The following STARD13 variants were observed in gnomAD, a reference collection of about 807,000 sequenced individuals.
STARD13 encodes stAR-related lipid transfer protein 13.
In STARD13, 62 loss-of-function variants were observed where a neutral mutation model predicts 106.4. That is an observed-to-expected ratio of 0.58 (90% CI 0.48 to 0.72). STARD13 has a LOEUF of 0.72. Among genes scored for constraint, STARD13 ranks in the 30% least tolerant of loss-of-function variants. The probability of loss-of-function intolerance (pLI) is 0.00; values close to 1 mark genes in which losing one functional copy is unlikely to be tolerated. For missense variants in STARD13, 1,387 were observed against 1,424.0 expected, an observed-to-expected ratio of 0.97 and a Z score of 0.42; for synonymous variants, 565 against 553.0, an observed-to-expected ratio of 1.02 and a Z score of -0.31.
the STARD13 span, among the ~76,000 whole-genome samples, chr13:33,563,228 T>C: frequency 6.8e-6 from 1 of 146,178 alleles, no homozygotes; most frequent in South Asian, 2.2e-4. Flanking sequence ...AGAAAAAAAA[T>C]CATAAAATGT....
chr13:33,254,971 T>G (rs921277861), intron 1 of STARD13, among the ~76,000 whole-genome samples: 3 of 152,164 alleles, frequency 2.0e-5, no homozygotes, highest in Non-Finnish European at 4.4e-5. Flanking sequence ...ACTGGCCCTC[T>G]GCCCTTGAGA....
At chr13:33,607,363 T>A in the STARD13 span, among the ~76,000 whole-genome samples, 1 of 150,848 alleles carries the variant, frequency 6.6e-6, no homozygotes, top group Non-Finnish European at 1.5e-5. Context: ...AGTGGCGCAA[T>A]CTCAGCTCAC....
At chr13:33,669,568 C>T in the STARD13 span, among the ~76,000 whole-genome samples, 1 of 136,726 alleles carries the variant, frequency 7.3e-6, no homozygotes. Context: ...CAGAATCTCA[C>T]TCTGTCACCC....
the STARD13 span, among the ~76,000 whole-genome samples, chr13:33,512,003 G>A: frequency 6.6e-6 from 1 of 152,136 alleles, no homozygotes; most frequent in Non-Finnish European, 1.5e-5. Flanking sequence ...GTAAATCCAT[G>A]AAGACAATTT....
At chr13:33,412,005 G>C in the STARD13 span, among the ~76,000 whole-genome samples, 1 of 152,266 alleles carries the variant, frequency 6.6e-6, no homozygotes, top group South Asian at 2.1e-4. Flanking sequence ...AAAGAAGAAA[G>C]GAGGGAAAAT....
At chr13:33,349,813 G>A (rs2078054642) in intron 1 of STARD13, among the ~76,000 whole-genome samples, 2 of 152,176 alleles carry the variant, frequency 1.3e-5, no homozygotes, top group African/African-American at 4.8e-5. Context: ...GGTCTGCGGC[G>A]CTTCGGACGT....
At chr13:33,298,040 C>A (rs1043220840) in intron 1 of STARD13, among the ~76,000 whole-genome samples, 1 of 151,872 alleles carries the variant, frequency 6.6e-6, no homozygotes, top group African/African-American at 2.4e-5. Context: ...GTCCTGTACA[C>A]AGGGACCTGC....
At chr13:33,149,656 C>T (rs1262502763) in intron 3 of STARD13, among the ~76,000 whole-genome samples, 4 of 152,152 alleles carry the variant, frequency 2.6e-5, no homozygotes, top group East Asian at 1.9e-4. Flanking sequence ...ATTCCCATCA[C>T]GGTATAGCAT....
intron 8 of STARD13, chr13:33,113,537 C>T (rs752478171): frequency 1.9e-6 from 1 of 515,772 alleles, no homozygotes; most frequent in East Asian, 5.5e-5. Context: ...GAAGCCTGTA[C>T]ATCTTCCTTT....
chr13:33,286,072 G>C (rs1892047514), upstream of STARD13, among the ~76,000 whole-genome samples: 1 of 152,040 alleles, frequency 6.6e-6, no homozygotes, highest in Non-Finnish European at 1.5e-5. Context: ...TTTTCAGCCT[G>C]TCAAAGTTAG....
chr13:33,346,354 C>T (rs534019564), downstream of STARD13, among the ~76,000 whole-genome samples: 13 of 152,138 alleles, frequency 8.5e-5, no homozygotes, highest in African/African-American at 1.7e-4. Flanking sequence ...TGGTTTAGTT[C>T]GGTTTGGTTT....
chr13:33,303,435 A>C (rs1042492175), intron 1 of STARD13, among the ~76,000 whole-genome samples: 2 of 152,130 alleles, frequency 1.3e-5, no homozygotes, highest in Non-Finnish European at 2.9e-5. Context: ...ACTTCACTTT[A>C]TCTATCTTAG....
At chr13:33,669,969 C>A in the STARD13 span, among the ~76,000 whole-genome samples, 1 of 152,202 alleles carries the variant, frequency 6.6e-6, no homozygotes, top group African/African-American at 2.4e-5. Context: ...CCCTGGTAGG[C>A]CAACTACTAC....
intron 1 of STARD13, among the ~76,000 whole-genome samples, chr13:33,239,254 C>T (rs999359185): frequency 2.6e-5 from 4 of 152,130 alleles, no homozygotes; most frequent in Non-Finnish European, 5.9e-5. Context: ...GTATATACCA[C>T]GTTTTCTTCA....
the STARD13 span, among the ~76,000 whole-genome samples, chr13:33,400,955 ACAGGGCTCC>A: frequency 6.6e-6 from 1 of 152,248 alleles, no homozygotes; most frequent in Admixed American, 6.5e-5. Flanking sequence ...GCCAGCCTTA[ACAGGGCTCC>A]CACTGGCAAA....
At chr13:33,627,155 T>G in the STARD13 span, among the ~76,000 whole-genome samples, 1 of 152,218 alleles carries the variant, frequency 6.6e-6, no homozygotes. Flanking sequence ...GCATTGACTT[T>G]CCCAAGTAGC....
intron 1 of STARD13, among the ~76,000 whole-genome samples, chr13:33,212,259 C>T (rs1243115373): frequency 6.6e-6 from 1 of 152,080 alleles, no homozygotes; most frequent in East Asian, 1.9e-4. Flanking sequence ...GTGAGTGAAC[C>T]CGCACAAACT....
At chr13:33,543,107 C>T in the STARD13 span, among the ~76,000 whole-genome samples, 1 of 152,096 alleles carries the variant, frequency 6.6e-6, no homozygotes, top group South Asian at 2.1e-4. Context: ...TTTTTTGCTT[C>T]CTTATGCGTT....
the STARD13 span, among the ~76,000 whole-genome samples, chr13:33,469,362 G>A: frequency 3.3e-5 from 5 of 152,146 alleles, no homozygotes; most frequent in Non-Finnish European, 7.4e-5. Context: ...GTAATTTTAA[G>A]AATTAAAGTT....
Sources: allele counts gnomAD v4.1 joint callset (sites outside exome capture counted in the v4.1 genomes callset), GRCh38; gene constraint gnomAD v4.1.1; transcripts MANE v1.5; gene names NCBI Gene and HGNC (gene_info 2026-07-23, HGNC 2026-07-21).